Variants in ZDHHC11 observed in about 807,000 individuals in gnomAD.
ZDHHC11 encodes palmitoyltransferase ZDHHC11.
Under a neutral mutation model 51.3 loss-of-function variants are expected in ZDHHC11, and 44 were observed. The ratio of observed to expected loss-of-function variants is 0.86; its 90% confidence interval spans 0.67 to 1.10. ZDHHC11 has a LOEUF of 1.10. ZDHHC11 is among the 50% of genes least tolerant of loss of function. The pLI is 0.00. For synonymous variants in ZDHHC11, 163 were observed against 222.0 expected, an observed-to-expected ratio of 0.73 and a Z score of 2.36; for missense variants, 400 against 537.7, an observed-to-expected ratio of 0.74 and a Z score of 2.53.
In ZDHHC11 at chr5:825,147, T is replaced by C. The variant is rs769306680; in HGVS notation, c.1023+17A>G. 23 of 1,607,060 alleles carry C rather than the reference T, an allele frequency of 1.4e-5. No homozygotes were observed. The South Asian group carries it at 2.5e-4, about 18-fold the overall frequency. On this transcript the variant is annotated intron_variant, in intron 8 of 12. Coordinates refer to ENST00000283441, the MANE Select transcript of ZDHHC11 (RefSeq NM_024786.3). Reference sequence around the variant, plus strand: ...CGGCCCTGACCTCGGGGTGCATCGCTGGTGACTGCAACTTACCCGTGCCGT... The same window carrying C: ...CGGCCCTGACCTCGGGGTGCATCGCCGGTGACTGCAACTTACCCGTGCCGT...
Position 801,157 on chromosome 5 carries a change from G to C in ZDHHC11, c.1189C>G (p.Gln397Glu). The stretch of plus-strand genomic sequence containing the variant: ...GTTTTCATGGGCTCTGTTGTTTCTT[G>C]TTGCAGCCTGTTTGCAATATTCAGA... The part of the protein sequence containing the change: ...APSISTLGLQ[Q>E]ETTEPMKTDS... The change falls in exon 12 of 13, where the codon CAA becomes GAA. Residue 397 changes from glutamine to glutamate, a missense_variant. Transcript: ENST00000283441. 1 of 1,610,942 alleles carries C rather than the reference G, an allele frequency of 6.2e-7. No individual in the cohort carries two copies. Among genetic ancestry groups the C allele is most frequent in the Non-Finnish European group, 8.5e-7 (1 of 1,177,908 alleles).
chr5:856,011 C>A (rs1748190164), intron 1 of ZDHHC11, among the ~76,000 whole-genome samples: 1 of 152,132 alleles, frequency 6.6e-6, no homozygotes, highest in Non-Finnish European at 1.5e-5. Flanking sequence ...GGCATGGACC[C>A]CATGGAGGAC....
At chr5:836,815 C>A (rs1415785448) in intron 6 of ZDHHC11, among the ~76,000 whole-genome samples, 1 of 150,190 alleles carries the variant, frequency 6.7e-6, no homozygotes, top group Middle Eastern at 3.4e-3. Context: ...AATCCCAGCA[C>A]TTTCGGAGGC....
chr5:816,066 A>G (rs559220062), intron 10 of ZDHHC11, among the ~76,000 whole-genome samples: 55 of 151,630 alleles, frequency 3.6e-4, no homozygotes, highest in African/African-American at 1.2e-3. Context: ...TTGTGTTCAA[A>G]TCTTTTGCCC....
chr5:841,976 CG>C, intron 4 of ZDHHC11: 7 of 989,072 alleles, frequency 7.1e-6, no homozygotes, highest in Non-Finnish European at 8.4e-6. Context: ...GTGCCTGGGC[CG>C]GGCTGGACCC....
chr5:812,743 G>C (rs1438190569), intron 11 of ZDHHC11, among the ~76,000 whole-genome samples: 1 of 151,436 alleles, frequency 6.6e-6, no homozygotes, highest in Non-Finnish European at 1.5e-5. Flanking sequence ...GGTGCTTCTT[G>C]CAATTTTGTT....
chr5:860,115 C>T (rs1039662425), upstream of ZDHHC11, among the ~76,000 whole-genome samples: 2 of 152,180 alleles, frequency 1.3e-5, no homozygotes, highest in African/African-American at 4.8e-5. The surrounding 1 kb of genome is among the most constrained non-coding windows in gnomAD (Gnocchi z 4.2). Context: ...GGGGCACACA[C>T]GAGGTACACA....
Position 814,977 on chromosome 5 carries a change from G to C in ZDHHC11, c.1147-182C>G, listed in dbSNP as rs1201677754. ...CCCTTCCTCCCAATCCTTGTATTAT[G>C]GGCTGAACTATATCCTCCTCCAAAT... On this transcript the variant is annotated intron_variant, in intron 10 of 12. Coordinates refer to ENST00000283441, the MANE Select transcript of ZDHHC11 (RefSeq NM_024786.3). 2.0e-5 allele frequency among the ~76,000 whole-genome samples: 3 copies of C among 151,462 alleles called. No homozygotes were observed. In the East Asian group the frequency reaches 5.8e-4, roughly 29 times the overall value.
At position 819,541 on chromosome 5, in the gene ZDHHC11, C is replaced by T; in HGVS notation, c.1130G>A (p.Gly377Glu). Residue 377 changes from glycine to glutamate, a missense_variant, in exon 10 of 13, where the codon GGG becomes GAG. By Grantham distance (98) the Gly-to-Glu change is moderately conservative. Transcript: ENST00000283441. ...CQFSTRVHPD[G>E]GSMAQEADDA... ...GCAACTTACCTGTGCCATCGAGCCC[C>T]CGTCTGGGTGTACACGAGTGGAGAA... The T allele has an allele frequency of 6.2e-7, 1 of 1,609,842 alleles. No individual in the cohort carries two copies. The highest frequency in any genetic ancestry group is 8.5e-7 in the Non-Finnish European group (1 of 1,176,636).
At chr5:849,209 C>T in intron 1 of ZDHHC11, among the ~76,000 whole-genome samples, 1 of 152,192 alleles carries the variant, frequency 6.6e-6, no homozygotes, top group South Asian at 2.1e-4. Flanking sequence ...ACCGGGAAGG[C>T]TGCCCCCGTG....
At chr5:852,836 C>CG (rs1747461713), upstream of ZDHHC11, among the ~76,000 whole-genome samples, 6 of 129,852 alleles carry the variant, frequency 4.6e-5, no homozygotes, top group Admixed American at 7.7e-5. Flanking sequence ...GACAGCGAGC[C>CG]GGGGGTACAG....
At chr5:835,500 T>C (rs1421729969) in intron 6 of ZDHHC11, among the ~76,000 whole-genome samples, 1 of 151,864 alleles carries the variant, frequency 6.6e-6, no homozygotes, top group East Asian at 1.9e-4. Context: ...TACAGCTTTA[T>C]AGTAACATTT....
chr5:812,600 T>C (rs1331406508), intron 11 of ZDHHC11, among the ~76,000 whole-genome samples: 1 of 151,170 alleles, frequency 6.6e-6, no homozygotes, highest in Non-Finnish European at 1.5e-5. Context: ...TGAAGGAAAT[T>C]TGCATTGTTT....
At chr5:855,297 A>T (rs1283739154), upstream of ZDHHC11, among the ~76,000 whole-genome samples, 1 of 136,756 alleles carries the variant, frequency 7.3e-6, no homozygotes, top group Non-Finnish European at 1.6e-5. Context: ...CAGATCCCAC[A>T]GAGGACAGCG....
chr5:857,896 C>A (rs1579862459), intron 1 of ZDHHC11, among the ~76,000 whole-genome samples: 1 of 149,620 alleles, frequency 6.7e-6, no homozygotes, highest in Admixed American at 6.6e-5. Flanking sequence ...CTTTATGACA[C>A]CGTGGTCCCC....
chr5:837,254 T>A (rs1279039669), intron 6 of ZDHHC11, 111 bp downstream of exon 6: 95 of 1,216,112 alleles, frequency 7.8e-5, no homozygotes, highest in Non-Finnish European at 1.2e-5. Context: ...GCAGAGTCCA[T>A]GGGCTGCATC....
intron 7 of ZDHHC11, among the ~76,000 whole-genome samples, chr5:831,439 T>A (rs1451203997): frequency 6.7e-6 from 1 of 149,028 alleles, no homozygotes; most frequent in African/African-American, 2.5e-5. Flanking sequence ...AAAAATTAGC[T>A]GGGCGTGCTG....
chr5:851,298 T>C (rs1046021042), upstream of ZDHHC11, among the ~76,000 whole-genome samples: 4 of 151,404 alleles, frequency 2.6e-5, no homozygotes, highest in Admixed American at 2.6e-4. Flanking sequence ...GGCTGGGAGG[T>C]TCTGAACACG....
chr5:831,269 TCAAA>T (rs756307523), intron 7 of ZDHHC11, among the ~76,000 whole-genome samples: 4 of 149,590 alleles, frequency 2.7e-5, no homozygotes, highest in Non-Finnish European at 4.5e-5. Flanking sequence ...TAAAAGGAAC[TCAAA>T]CAAATCCGCA....
Sources: gnomAD v4.1 joint callset for allele counts (sites outside exome capture counted in the v4.1 genomes callset) on GRCh38, gnomAD v4.1.1 for gene constraint, Gnocchi (gnomAD v3.1) non-coding constraint, MANE v1.5 for transcripts, NCBI Gene and HGNC (gene_info 2026-07-23, HGNC 2026-07-21) for gene names.